The following SPTSSA variants were observed in gnomAD, a reference collection of about 807,000 sequenced individuals.
SPTSSA encodes small subunit of serine palmitoyltransferase A.
In SPTSSA, 8 loss-of-function variants were observed where a neutral mutation model predicts 9.1. The ratio of observed to expected loss-of-function variants is 0.88; its 90% confidence interval spans 0.51 to 1.58. The LOEUF is 1.58. SPTSSA is among the 40% of genes most tolerant of loss of function. SPTSSA has a pLI of 0.00. For missense variants in SPTSSA, 100 were observed against 93.8 expected (o/e 1.07, Z -0.27); for synonymous variants, 42 against 37.7 (o/e 1.11, Z -0.41).
At chr14:34,439,683 T>A (rs1365203801) in intron 1 of SPTSSA, among the ~76,000 whole-genome samples, 1 of 152,124 alleles carries the variant, frequency 6.6e-6, no homozygotes, top group African/African-American at 2.4e-5. Context: ...TGCTTATTGT[T>A]TAATGATAAT....
chr14:34,455,030 T>A (rs1231690991), intron 1 of SPTSSA, among the ~76,000 whole-genome samples: 1 of 147,544 alleles, frequency 6.8e-6, no homozygotes, highest in African/African-American at 2.5e-5. Flanking sequence ...GAGGCTACAG[T>A]GACCCAAGAT....
At chr14:34,443,889 A>G (rs185606253) in intron 1 of SPTSSA, among the ~76,000 whole-genome samples, 21 of 152,210 alleles carry the variant, frequency 1.4e-4, no homozygotes, top group African/African-American at 4.6e-4. Flanking sequence ...TCTCTGCCTA[A>G]TTTCTCCAAA....
At chr14:34,440,141 A>T (rs1316345192) in intron 1 of SPTSSA, among the ~76,000 whole-genome samples, 1 of 152,228 alleles carries the variant, frequency 6.6e-6, no homozygotes, top group East Asian at 1.9e-4. Flanking sequence ...TAAACAGAGA[A>T]ATAATATTAT....
chr14:34,442,082 G>A (rs1354996328), intron 1 of SPTSSA, among the ~76,000 whole-genome samples: 3 of 152,052 alleles, frequency 2.0e-5, no homozygotes, highest in Admixed American at 1.3e-4. Context: ...CACCATGTTG[G>A]CCAGGCTGGT....
At chr14:34,456,134 A>G (rs1374574928) in intron 1 of SPTSSA, among the ~76,000 whole-genome samples, 1 of 151,914 alleles carries the variant, frequency 6.6e-6, no homozygotes, top group Non-Finnish European at 1.5e-5. Context: ...CCATCCGGCT[A>G]ACATGGTGAA....
rs182665266 is a variant in SPTSSA at position 34,439,077 on chromosome 14, G to C, written c.113-3773C>G. 3.3e-5 allele frequency among the ~76,000 whole-genome samples: 5 copies of C among 152,274 alleles called. No homozygotes were observed. The East Asian group carries it at 9.6e-4, about 29-fold the overall frequency. On this transcript the variant is annotated intron_variant, in intron 1 of 1. Transcript: ENST00000298130. ...GGAGTGAGTACAGTAGAATAGAGCA[G>C]GGGAAATAAGCTAAGTAGGGACAGA...
chr14:34,440,621 C>T (rs946393858), intron 1 of SPTSSA, among the ~76,000 whole-genome samples: 5 of 152,206 alleles, frequency 3.3e-5, no homozygotes, highest in Non-Finnish European at 7.3e-5. Context: ...GTGGCTTACA[C>T]CTATAATCCC....
chr14:34,459,754 C>T (rs1878580624), intron 1 of SPTSSA, among the ~76,000 whole-genome samples: 2 of 152,002 alleles, frequency 1.3e-5, no homozygotes, highest in Non-Finnish European at 2.9e-5. Flanking sequence ...ACACTCCAGC[C>T]GGGCAACAAG....
At position 34,433,118 on chromosome 14, in the gene SPTSSA, T is replaced by C. The variant is rs1279457651; in HGVS notation, c.*2083A>G. The C allele has an allele frequency of 1.3e-5, 2 of 152,206 alleles. No individual in the cohort carries two copies. Among genetic ancestry groups the C allele is most frequent in the Non-Finnish European group, 2.9e-5 (2 of 68,030 alleles). The allele number at this position is 152,206 out of a possible 1,614,324, so 9.4% of individuals were successfully genotyped here. A position where few individuals can be genotyped will look rare whatever the true frequency, so the allele number is the denominator to read the frequency against. On this transcript the variant is annotated 3_prime_UTR_variant, in exon 2 of 2. Coordinates refer to ENST00000298130, the MANE Select transcript of SPTSSA (RefSeq NM_138288.4). ...GAGCATAAACTTCTCTGATCACCTCTCAAGAGACATCTCCCATTTCTCTTT... is the reference window on the plus strand; with the variant it reads ...GAGCATAAACTTCTCTGATCACCTCCCAAGAGACATCTCCCATTTCTCTTT...
chr14:34,435,357 T>A, intron 1 of SPTSSA, 53 bp from the exon 2 acceptor site: 1 of 1,308,798 alleles, frequency 7.6e-7, no homozygotes, highest in South Asian at 1.3e-5. Context: ...AAACTAAATC[T>A]CCACATGTCT....
intron 1 of SPTSSA, among the ~76,000 whole-genome samples, chr14:34,438,422 C>A (rs1003034520): frequency 6.6e-6 from 1 of 152,082 alleles, no homozygotes; most frequent in African/African-American, 2.4e-5. Flanking sequence ...GATTTTCGAG[C>A]ATTTCAGACT....
chr14:34,454,932 C>CA (rs1329420366), intron 1 of SPTSSA, among the ~76,000 whole-genome samples: 2 of 151,930 alleles, frequency 1.3e-5, no homozygotes, highest in African/African-American at 4.8e-5. Flanking sequence ...ACTAAAAATA[C>CA]AAAAATCAGC....
intron 1 of SPTSSA, among the ~76,000 whole-genome samples, chr14:34,449,395 GA>G (rs145776484): frequency 6.6e-6 from 1 of 150,624 alleles, no homozygotes; most frequent in Non-Finnish European, 1.5e-5. Context: ...ACCCTGTCTT[GA>G]AAAAAAACAA....
At chr14:34,448,930 G>A (rs1256382331) in intron 1 of SPTSSA, among the ~76,000 whole-genome samples, 1 of 152,034 alleles carries the variant, frequency 6.6e-6, no homozygotes, top group Admixed American at 6.6e-5. Flanking sequence ...AGCCTGGGAG[G>A]TTGAGGCTAC....
At chr14:34,438,938 A>C (rs1883279913) in intron 1 of SPTSSA, among the ~76,000 whole-genome samples, 1 of 152,118 alleles carries the variant, frequency 6.6e-6, no homozygotes, top group Non-Finnish European at 1.5e-5. Context: ...GCAAGTATTC[A>C]AGGACTTTCC....
chr14:34,438,209 T>G (rs933159093), intron 1 of SPTSSA, among the ~76,000 whole-genome samples: 1 of 152,160 alleles, frequency 6.6e-6, no homozygotes, highest in Non-Finnish European at 1.5e-5. Context: ...TTGGGCCCCA[T>G]ATTCCCTCAT....
At chr14:34,439,233 T>G (rs1043444102) in intron 1 of SPTSSA, among the ~76,000 whole-genome samples, 1 of 151,974 alleles carries the variant, frequency 6.6e-6, no homozygotes. Flanking sequence ...ATACGGAAAA[T>G]CCACCTAACC....
Position 34,435,197 on chromosome 14 carries a change from T to G in SPTSSA, c.*4A>C. 6.2e-7 allele frequency: 1 copy of G among 1,611,818 alleles called. No homozygotes were observed. Among genetic ancestry groups the G allele is most frequent in the Non-Finnish European group, 8.5e-7 (1 of 1,178,452 alleles). On this transcript the variant is annotated 3_prime_UTR_variant, in exon 2 of 2. Transcript: ENST00000298130. ...AGGAACCTCTGATCCTGGTCGCATC[T>G]TGGTCATTGTACGATTTCAAAGTAG...
intron 1 of SPTSSA, among the ~76,000 whole-genome samples, chr14:34,435,625 T>G (rs78895697): frequency 1.5e-5 from 2 of 135,454 alleles, no homozygotes; most frequent in Non-Finnish European, 3.1e-5. Context: ...TTGTTTCTCT[T>G]TTTTTTTTTT....
Sources: allele counts gnomAD v4.1 joint callset (sites outside exome capture counted in the v4.1 genomes callset), GRCh38; gene constraint gnomAD v4.1.1; transcripts MANE v1.5; gene names NCBI Gene and HGNC (gene_info 2026-07-23, HGNC 2026-07-21).